Variants in EEFSEC observed in about 807,000 individuals in gnomAD.
EEFSEC encodes the protein eukaryotic elongation factor, selenocysteine-tRNA specific.
Under a neutral mutation model 42.1 loss-of-function variants are expected in EEFSEC, and 43 were observed. That is an observed-to-expected ratio of 1.02 (90% CI 0.80 to 1.32). The LOEUF is 1.32. EEFSEC is among the 40% of genes most tolerant of loss of function. EEFSEC has a pLI of 0.00. For synonymous variants in EEFSEC, 354 were observed against 339.1 expected, an observed-to-expected ratio of 1.04 and a Z score of -0.48; for missense variants, 745 against 803.6, an observed-to-expected ratio of 0.93 and a Z score of 0.88.
At chr3:128,274,589 GGCAGCTGTA>G (rs2107952930) in intron 4 of EEFSEC, among the ~76,000 whole-genome samples, 1 of 152,326 alleles carries the variant, frequency 6.6e-6, no homozygotes, top group African/African-American at 2.4e-5. Context: ...ACACTCCCAG[GGCAGCTGTA>G]GCACCCTACA....
intron 1 of EEFSEC, among the ~76,000 whole-genome samples, chr3:128,177,589 G>A (rs1484007330): frequency 6.6e-6 from 1 of 152,126 alleles, no homozygotes; most frequent in Non-Finnish European, 1.5e-5. Flanking sequence ...ATTTCTGGAA[G>A]CTTTCTCTGC....
chr3:128,153,525 G>A lies in EEFSEC; in HGVS notation c.18G>A (p.Val6=). 6.6e-7 allele frequency: 1 copy of A among 1,514,864 alleles called. No homozygotes were observed. The highest frequency in any genetic ancestry group is 8.8e-7 in the Non-Finnish European group (1 of 1,137,876). 93.8% of individuals were successfully genotyped at this position (1,514,864 alleles called of 1,614,324 possible). A position where few individuals can be genotyped will look rare whatever the true frequency, so the allele number is the denominator to read the frequency against. Residue 6 remains valine (V), a synonymous_variant, in exon 1 of 7, where the codon GTG becomes GTA. Coordinates refer to ENST00000254730, the MANE Select transcript of EEFSEC (RefSeq NM_021937.5). ...GCGGCGGCATGGCAGGGCGGCGGGT[G>A]AACGTGAACGTGGGCGTGCTGGGCC... is the stretch of plus-strand genomic sequence containing the variant. MAGRR[V]NVNVGVLGHI...
chr3:128,345,224 GCAT>G (rs2107570570), intron 5 of EEFSEC, among the ~76,000 whole-genome samples: 1 of 152,310 alleles, frequency 6.6e-6, no homozygotes, highest in South Asian at 2.1e-4. Context: ...GTCTCCTACT[GCAT>G]CGTTATTGTT....
intron 6 of EEFSEC, among the ~76,000 whole-genome samples, chr3:128,403,620 G>A (rs998225594): frequency 6.6e-6 from 1 of 152,208 alleles, no homozygotes; most frequent in East Asian, 1.9e-4. Context: ...GGTGAGCTGT[G>A]GTCACCCTGG....
chr3:128,263,780 A>G (rs935939817), intron 3 of EEFSEC, among the ~76,000 whole-genome samples: 32 of 152,218 alleles, frequency 2.1e-4, no homozygotes, highest in African/African-American at 7.5e-4. Context: ...TTTATTGGTG[A>G]TGAGCCCTGA....
At chr3:128,367,569 A>G (rs1289740708) in intron 6 of EEFSEC, 1 of 925,078 alleles carries the variant, frequency 1.1e-6, no homozygotes, top group Non-Finnish European at 1.3e-6. Flanking sequence ...AGCAAGAGCC[A>G]CATCCTGTTT....
intron 6 of EEFSEC, among the ~76,000 whole-genome samples, chr3:128,390,422 TG>T (rs2067894346): frequency 6.6e-6 from 1 of 152,214 alleles, no homozygotes. Flanking sequence ...CACTGTATTT[TG>T]GGAGGTAGAG....
chr3:128,283,305 T>C (rs552599419), intron 4 of EEFSEC, among the ~76,000 whole-genome samples: 3 of 152,342 alleles, frequency 2.0e-5, no homozygotes, highest in Non-Finnish European at 4.4e-5. Context: ...GGTGGCTATG[T>C]TCGTTCGTTT....
intron 1 of EEFSEC, among the ~76,000 whole-genome samples, chr3:128,218,097 C>G (rs913546171): frequency 3.3e-5 from 5 of 152,270 alleles, no homozygotes; most frequent in African/African-American, 1.2e-4. Flanking sequence ...TTCAAGTCCC[C>G]TTTTAAGGGG....
At chr3:128,356,807 C>G (rs976788485) in intron 5 of EEFSEC, among the ~76,000 whole-genome samples, 1 of 152,210 alleles carries the variant, frequency 6.6e-6, no homozygotes, top group Non-Finnish European at 1.5e-5. Context: ...TTCTTTTTAA[C>G]GTGAAACACA....
At chr3:128,291,684 GATTTAGTAGTTATTT>G (rs1399772602) in intron 4 of EEFSEC, among the ~76,000 whole-genome samples, 1 of 152,080 alleles carries the variant, frequency 6.6e-6, no homozygotes, top group Non-Finnish European at 1.5e-5. Flanking sequence ...TTTCTCACTA[GATTTAGTAGTTATTT>G]TGTGAATTTC....
At chr3:128,352,414 C>T (rs2067398951) in intron 5 of EEFSEC, among the ~76,000 whole-genome samples, 1 of 152,228 alleles carries the variant, frequency 6.6e-6, no homozygotes, top group East Asian at 1.9e-4. Flanking sequence ...CAGACCAGCT[C>T]CTGCCTTCCA....
intron 4 of EEFSEC, among the ~76,000 whole-genome samples, chr3:128,284,327 G>C (rs1253215781): frequency 6.6e-6 from 1 of 152,128 alleles, no homozygotes; most frequent in Non-Finnish European, 1.5e-5. Flanking sequence ...GACGACTAAA[G>C]CTTGTCTTGA....
chr3:128,198,416 A>G (rs1421224526), intron 1 of EEFSEC, among the ~76,000 whole-genome samples: 1 of 152,172 alleles, frequency 6.6e-6, no homozygotes, highest in African/African-American at 2.4e-5. Flanking sequence ...AGTCCCAAGA[A>G]AGGATCTTCA....
At chr3:128,167,120 G>A (rs1435656177) in intron 1 of EEFSEC, among the ~76,000 whole-genome samples, 1 of 152,050 alleles carries the variant, frequency 6.6e-6, no homozygotes, top group East Asian at 1.9e-4. Context: ...TGCATATTCT[G>A]GCTACGTGCA....
intron 1 of EEFSEC, among the ~76,000 whole-genome samples, chr3:128,168,743 G>A (rs1203314769): frequency 6.6e-6 from 1 of 152,244 alleles, no homozygotes; most frequent in Non-Finnish European, 1.5e-5. Flanking sequence ...CCTAAGAGGG[G>A]AGGCCCTCTG....
chr3:128,163,849 G>C (rs2065217263), intron 1 of EEFSEC, among the ~76,000 whole-genome samples: 1 of 151,608 alleles, frequency 6.6e-6, no homozygotes, highest in Admixed American at 6.6e-5. Context: ...TGCCCAGGCT[G>C]GTCTTGAACT....
rs138789888 is a variant in EEFSEC, at chr3:128,289,783, A to G, written c.786+25002A>G. Among the ~76,000 whole-genome samples the G allele has an allele frequency of 3.4e-3, 515 of 152,348 alleles. 1 individual carries two copies. The highest frequency in any genetic ancestry group is 0.011 in the African/African-American group (477 of 41,580). On this transcript the variant is annotated intron_variant, in intron 4 of 6. Transcript: ENST00000254730. The stretch of plus-strand genomic sequence containing the variant: ...CATGTTTGAGGGTTTTCCTTTAGGC[A>G]GAGTGGCAGACATCTGTCTCATTGC...
chr3:128,391,534 T>TG, intron 6 of EEFSEC, among the ~76,000 whole-genome samples: 1 of 152,264 alleles, frequency 6.6e-6, no homozygotes, highest in East Asian at 1.9e-4. Context: ...CAGGGTGTGG[T>TG]GGAGTCCAGG....
Sources: allele counts gnomAD v4.1 joint callset (sites outside exome capture counted in the v4.1 genomes callset), GRCh38; gene constraint gnomAD v4.1.1; transcripts MANE v1.5; gene names NCBI Gene and HGNC (gene_info 2026-07-23, HGNC 2026-07-21).